ATXN1: variants seen among roughly 807,000 people sequenced by gnomAD.
The protein encoded by ATXN1 is ataxin 1, also known as ataxin-1.
Under a neutral mutation model 56.4 loss-of-function variants are expected in ATXN1, and 8 were observed. That is an observed-to-expected ratio of 0.14 (90% CI 0.08 to 0.26). The LOEUF (loss-of-function observed/expected upper bound fraction) is 0.26, where lower values mean the gene tolerates loss of function less well. Among genes scored for constraint, ATXN1 ranks in the 10% least tolerant of loss-of-function variants. The pLI is 1.00. For missense variants in ATXN1, 987 were observed against 1,106.5 expected, an observed-to-expected ratio of 0.89 and a Z score of 1.53; for synonymous variants, 514 against 494.6, an observed-to-expected ratio of 1.04 and a Z score of -0.52.
rs111294286 is a variant in ATXN1, at chr6:16,757,721, T to C, written c.-730+3577A>G. Among the ~76,000 whole-genome samples, 24 of 152,346 alleles carry C rather than the reference T, an allele frequency of 1.6e-4. 3 individuals carry two copies. Among genetic ancestry groups the C allele is most frequent in the African/African-American group, 5.5e-4 (23 of 41,580 alleles). ...TAAATCAAGACATAATTCTCAATTATCTTTTCTTTCAAATACCAGGGTTAT... is the reference window on the plus strand; with the variant it reads ...TAAATCAAGACATAATTCTCAATTACCTTTTCTTTCAAATACCAGGGTTAT... On this transcript the variant is annotated intron_variant, in intron 1 of 7. Coordinates refer to ENST00000436367, the MANE Select transcript of ATXN1 (RefSeq NM_001128164.2).
intron 5 of ATXN1, among the ~76,000 whole-genome samples, chr6:16,511,984 C>T (rs1157240743): frequency 6.6e-6 from 1 of 152,214 alleles, no homozygotes; most frequent in African/African-American, 2.4e-5. Flanking sequence ...CCTTGCCTCT[C>T]CAGCCCCCAT....
At chr6:16,645,618 A>G (rs184521994) in intron 3 of ATXN1, among the ~76,000 whole-genome samples, 32 of 152,308 alleles carry the variant, frequency 2.1e-4, no homozygotes, top group Admixed American at 3.3e-4. Context: ...TCCAAGCAGC[A>G]TTACTTTCTT....
intron 6 of ATXN1, among the ~76,000 whole-genome samples, chr6:16,483,314 C>T (rs1288147633): frequency 6.6e-6 from 1 of 152,196 alleles, no homozygotes; most frequent in East Asian, 1.9e-4. Context: ...GTGATTATCA[C>T]TCACACATTT....
In ATXN1 at chr6:16,522,691, G is replaced by A. The variant is rs1414473142; in HGVS notation, c.-360-3C>T. On this transcript the variant is annotated splice_polypyrimidine_tract_variant and splice_region_variant and intron_variant, in intron 4 of 7. Coordinates refer to ENST00000436367, the MANE Select transcript of ATXN1 (RefSeq NM_001128164.2). ...AATGGTCTAATTTCTTTGGAAAACT[G>A]GAATAGAAAAAAAGATTTTTTAAAA... 1.3e-5 allele frequency: 2 copies of A among 151,894 alleles called. No individual in the cohort carries two copies. The highest frequency in any genetic ancestry group is 2.4e-5 in the African/African-American group (1 of 41,326). 9.4% of individuals were successfully genotyped at this position (151,894 alleles called of 1,614,324 possible).
intron 3 of ATXN1, among the ~76,000 whole-genome samples, chr6:16,601,944 T>C (rs1434576261): frequency 6.6e-6 from 1 of 152,162 alleles, no homozygotes; most frequent in Non-Finnish European, 1.5e-5. Context: ...GCGTAATCTA[T>C]TTTGCAAGCA....
chr6:16,545,233 C>G (rs1440903015), intron 4 of ATXN1, among the ~76,000 whole-genome samples: 2 of 152,182 alleles, frequency 1.3e-5, no homozygotes, highest in Non-Finnish European at 2.9e-5. Context: ...TTTGGTCTTA[C>G]AGCGATCATG....
intron 3 of ATXN1, among the ~76,000 whole-genome samples, chr6:16,601,543 C>T (rs1762911091): frequency 1.3e-5 from 2 of 152,124 alleles, no homozygotes; most frequent in South Asian, 4.1e-4. Context: ...TGAGAGCCAG[C>T]CAGCCACTTA....
At chr6:16,417,356 T>C (rs1758932175) in intron 6 of ATXN1, among the ~76,000 whole-genome samples, 1 of 151,980 alleles carries the variant, frequency 6.6e-6, no homozygotes, top group Admixed American at 6.6e-5. Context: ...AATTTCCAAG[T>C]TATGGCTTTT....
At chr6:16,723,460 G>T (rs1759786325) in intron 2 of ATXN1, among the ~76,000 whole-genome samples, 1 of 152,130 alleles carries the variant, frequency 6.6e-6, no homozygotes, top group South Asian at 2.1e-4. Flanking sequence ...CCTAAAAGGA[G>T]GAGGAAGAGA....
chr6:16,724,668 T>C (rs1354495138), intron 2 of ATXN1, among the ~76,000 whole-genome samples: 2 of 152,184 alleles, frequency 1.3e-5, no homozygotes, highest in Non-Finnish European at 2.9e-5. Flanking sequence ...CTGACTTACT[T>C]GCTAAAGAAC....
intron 7 of ATXN1, among the ~76,000 whole-genome samples, chr6:16,313,971 T>C (rs753302185): frequency 4.3e-4 from 65 of 152,228 alleles, no homozygotes; most frequent in Non-Finnish European, 4.4e-4. Flanking sequence ...CTTTGCTTCC[T>C]ACCAAAGGAG....
intron 3 of ATXN1, among the ~76,000 whole-genome samples, chr6:16,618,617 G>A (rs766470358): frequency 2.0e-5 from 3 of 152,008 alleles, no homozygotes; most frequent in Non-Finnish European, 4.4e-5. Context: ...CTGTAGTCTG[G>A]AGGCTGAAGC....
At position 16,534,319 on chromosome 6, in the gene ATXN1, T is replaced by C. The variant is rs553907868; in HGVS notation, c.-360-11631A>G. On this transcript the variant is annotated intron_variant, in intron 4 of 7. Coordinates refer to ENST00000436367, the MANE Select transcript of ATXN1 (RefSeq NM_001128164.2). ...CAATCAGGGGCACACATCTCTACTGTAACCATTTTTTGACAGTTTTGTTAG... is the reference window on the plus strand; with the variant it reads ...CAATCAGGGGCACACATCTCTACTGCAACCATTTTTTGACAGTTTTGTTAG... Among the ~76,000 whole-genome samples the C allele has an allele frequency of 2.0e-4, 30 of 152,076 alleles. No individual in the cohort carries two copies. The South Asian group carries it at 2.5e-3, about 13-fold the overall frequency.
chr6:16,618,128 C>G (rs944080057), intron 3 of ATXN1, among the ~76,000 whole-genome samples: 2 of 151,942 alleles, frequency 1.3e-5, no homozygotes, highest in African/African-American at 4.8e-5. Flanking sequence ...ATGGATGAAG[C>G]TGGAAACCAT....
rs180858059 is a variant in ATXN1, at chr6:16,410,907, T to A, written c.-161+75065A>T. On this transcript the variant is annotated intron_variant, in intron 6 of 7. Transcript: ENST00000436367. This position sits in a 1 kb window ranked among gnomAD's most constrained non-coding sequence, Gnocchi z 4.6. ...TGGGAGGCCAATGCAGGCGGATCAC[T>A]TGAGGCCAGGAGTTTGAGACCATCC... Among the ~76,000 whole-genome samples the A allele has an allele frequency of 6.6e-6, 1 of 152,106 alleles. No individual in the cohort carries two copies. The highest frequency in any genetic ancestry group is 6.5e-5 in the Admixed American group (1 of 15,290).
At chr6:16,418,829 A>G (rs780978248) in intron 6 of ATXN1, among the ~76,000 whole-genome samples, 22 of 150,588 alleles carry the variant, frequency 1.5e-4, no homozygotes, top group Non-Finnish European at 2.7e-4. Flanking sequence ...GTAGGTGTTA[A>G]TGGTAACAAT....
At chr6:16,428,760 A>G (rs1759213493) in intron 6 of ATXN1, among the ~76,000 whole-genome samples, 1 of 152,104 alleles carries the variant, frequency 6.6e-6, no homozygotes, top group African/African-American at 2.4e-5. Flanking sequence ...CTCTGCTAAC[A>G]CATTCACACA....
rs1760902183 is a variant in ATXN1, at chr6:16,328,492, T to C, written c.-160-22A>G. ...GATGCTGGGAAAGGGAAGAGGGCAG[T>C]GACAAAGGGAAAAGGAAAGGGAGGA... On this transcript the variant is annotated intron_variant, in intron 6 of 7. Transcript: ENST00000436367. This position sits in a 1 kb window ranked among gnomAD's most constrained non-coding sequence, Gnocchi z 6.2. 8.8e-7 allele frequency: 1 copy of C among 1,135,760 alleles called. No individual in the cohort carries two copies. Among genetic ancestry groups the C allele is most frequent in the African/African-American group, 1.6e-5 (1 of 63,514 alleles). The allele number at this position is 1,135,760 out of a possible 1,614,324, so 70.4% of individuals were successfully genotyped here. A position where few individuals can be genotyped will look rare whatever the true frequency, so the allele number is the denominator to read the frequency against.
intron 6 of ATXN1, among the ~76,000 whole-genome samples, chr6:16,399,480 T>C (rs1419415555): frequency 6.6e-6 from 1 of 152,176 alleles, no homozygotes; most frequent in African/African-American, 2.4e-5. Flanking sequence ...TTCTCAACAT[T>C]TCTAAAGACA....
Sources: gnomAD v4.1 joint callset for allele counts (sites outside exome capture counted in the v4.1 genomes callset) on GRCh38, gnomAD v4.1.1 for gene constraint, Gnocchi (gnomAD v3.1) non-coding constraint, MANE v1.5 for transcripts, NCBI Gene and HGNC (gene_info 2026-07-23, HGNC 2026-07-21) for gene names.